PARD3: variants seen among roughly 807,000 people sequenced by gnomAD.
The protein encoded by PARD3 is partitioning defective 3 homolog.
A neutral mutation model predicts 155.4 loss-of-function variants in PARD3; 75 were observed. The observed-to-expected ratio is 0.48, with a 90% confidence interval of 0.40 to 0.58. PARD3 has a LOEUF of 0.58. Among genes scored for constraint, PARD3 ranks in the 20% least tolerant of loss-of-function variants. PARD3 has a pLI of 0.00. For missense variants in PARD3, 1,642 were observed against 1,721.7 expected (o/e 0.95, Z 0.82); for synonymous variants, 576 against 610.5 (o/e 0.94, Z 0.83).
intron 2 of PARD3, among the ~76,000 whole-genome samples, chr10:34,633,391 C>T (rs2092349153): frequency 6.6e-6 from 1 of 151,834 alleles, no homozygotes; most frequent in Non-Finnish European, 1.5e-5. Flanking sequence ...TTCCTCTTTG[C>T]TTCTGTGAGT....
chr10:34,652,629 T>C (rs1007291378), intron 2 of PARD3, among the ~76,000 whole-genome samples: 11 of 152,166 alleles, frequency 7.2e-5, no homozygotes, highest in African/African-American at 2.7e-4. Context: ...CTTACTGAAA[T>C]GCACGCTGTT....
At chr10:34,497,355 ATTAT>A (rs1243500404) in intron 3 of PARD3, among the ~76,000 whole-genome samples, 3 of 152,220 alleles carry the variant, frequency 2.0e-5, no homozygotes, top group East Asian at 1.9e-4. Context: ...TAATCTAGAG[ATTAT>A]TTAAAGTGTA....
At chr10:34,238,739 G>A (rs943825401) in intron 22 of PARD3, among the ~76,000 whole-genome samples, 3 of 152,130 alleles carry the variant, frequency 2.0e-5, no homozygotes, top group Admixed American at 6.5e-5. Context: ...GAAGGAATAC[G>A]TCTCTCTTCT....
intron 15 of PARD3, chr10:34,346,062 G>T: frequency 1.0e-6 from 1 of 987,162 alleles, no homozygotes; most frequent in Non-Finnish European, 1.2e-6. Flanking sequence ...GTCACCCCCA[G>T]CCCAAAGTGG....
chr10:34,693,867 A>G (rs1040464338), intron 2 of PARD3, among the ~76,000 whole-genome samples: 12 of 152,192 alleles, frequency 7.9e-5, no homozygotes, highest in African/African-American at 2.7e-4. Context: ...TGGCATAGCT[A>G]TGGTTCATGG....
At position 34,307,081 on chromosome 10, in the gene PARD3, G is replaced by A. The variant is rs562721751; in HGVS notation, c.3065+10026C>T. Among the ~76,000 whole-genome samples the A allele has an allele frequency of 2.4e-3, 358 of 152,018 alleles. 1 individual carries two copies. The highest frequency in any genetic ancestry group is 8.4e-3 in the African/African-American group (348 of 41,494). On this transcript the variant is annotated intron_variant, in intron 20 of 24. Coordinates refer to ENST00000374788, the MANE Select transcript of PARD3 (RefSeq NM_001184785.2). ...TTTTTTTTGTATCTTTAGTAGAGAC[G>A]GGGTTTCACCATGTTAGCCAGGATG... is the stretch of plus-strand genomic sequence containing the variant.
At chr10:34,712,491 A>G (rs2094461953) in intron 1 of PARD3, among the ~76,000 whole-genome samples, 2 of 152,312 alleles carry the variant, frequency 1.3e-5, no homozygotes, top group Admixed American at 6.5e-5. Context: ...TGCAAGATCA[A>G]TGTTTTCAAC....
chr10:34,585,548 T>C (rs80214765), intron 2 of PARD3, among the ~76,000 whole-genome samples: 1 of 54,596 alleles, frequency 1.8e-5, no homozygotes, highest in Non-Finnish European at 3.9e-5. Context: ...TTTTTCTTTC[T>C]TTTTTTTTTT....
At chr10:34,206,014 C>T (rs1261757873) in intron 22 of PARD3, among the ~76,000 whole-genome samples, 1 of 152,148 alleles carries the variant, frequency 6.6e-6, no homozygotes, top group East Asian at 1.9e-4. Context: ...ACTACTAGAT[C>T]GAGGTCTTGT....
intron 1 of PARD3, among the ~76,000 whole-genome samples, chr10:34,804,003 G>C (rs1481575078): frequency 6.7e-6 from 1 of 150,350 alleles, no homozygotes; most frequent in African/African-American, 2.4e-5. Flanking sequence ...CAATCCAAAT[G>C]ATGCACTTAG....
intron 22 of PARD3, among the ~76,000 whole-genome samples, chr10:34,184,999 T>C (rs1008862278): frequency 1.8e-4 from 27 of 152,192 alleles, no homozygotes; most frequent in African/African-American, 5.5e-4. Context: ...TTATTGCTAC[T>C]TCCTGCCCTT....
At position 34,447,783 on chromosome 10, in the gene PARD3, C is replaced by T. The variant is rs557079709; in HGVS notation, c.714+2534G>A. Among the ~76,000 whole-genome samples, 227 of 131,874 alleles carry T rather than the reference C, an allele frequency of 1.7e-3. 3 individuals carry two copies. The highest frequency in any genetic ancestry group is 2.6e-3 in the Non-Finnish European group (168 of 65,792). 86.5% of individuals were successfully genotyped at this position (131,874 alleles called of 152,430 possible). The stretch of plus-strand genomic sequence containing the variant: ...TCGCACCACTGCACTCCAGCTTGAG[C>T]GACACAGCAAGACTCTGTCTCAAAA... On this transcript the variant is annotated intron_variant, in intron 5 of 24. Transcript: ENST00000374788.
At chr10:34,160,880 A>G (rs1192001850) in intron 22 of PARD3, among the ~76,000 whole-genome samples, 1 of 152,118 alleles carries the variant, frequency 6.6e-6, no homozygotes, top group African/African-American at 2.4e-5. Context: ...GGTCTGAGGG[A>G]GCATGCAGAG....
intron 22 of PARD3, among the ~76,000 whole-genome samples, chr10:34,261,843 A>AAC (rs147251426): frequency 1.4e-5 from 2 of 147,556 alleles, no homozygotes; most frequent in African/African-American, 5.2e-5. Context: ...CAAACAAACA[A>AAC]ACACACACAC....
intron 22 of PARD3, among the ~76,000 whole-genome samples, chr10:34,257,655 C>G (rs1368627182): frequency 5.3e-5 from 8 of 152,200 alleles, no homozygotes. Context: ...AAGTCTAAAA[C>G]AGCTTTCATT....
chr10:34,750,072 A>ACACACAC (rs1835804693), intron 1 of PARD3, among the ~76,000 whole-genome samples: 3 of 138,882 alleles, frequency 2.2e-5, no homozygotes, highest in African/African-American at 8.3e-5. Flanking sequence ...CACACACACA[A>ACACACAC]AACCCGCAGT....
At chr10:34,280,090 C>T in intron 21 of PARD3, among the ~76,000 whole-genome samples, 1 of 152,014 alleles carries the variant, frequency 6.6e-6, no homozygotes, top group East Asian at 1.9e-4. Flanking sequence ...GAATGAATAA[C>T]ATGAGGAGAA....
chr10:34,624,164 G>T (rs10082362), intron 2 of PARD3, among the ~76,000 whole-genome samples: 4,333 of 152,142 alleles, frequency 0.028, 207 homozygotes, highest in African/African-American at 0.098. Context: ...GAAGAACTGC[G>T]TTTCATGACT....
intron 22 of PARD3, among the ~76,000 whole-genome samples, chr10:34,202,946 A>G (rs570664925): frequency 4.6e-5 from 7 of 152,306 alleles, no homozygotes; most frequent in African/African-American, 1.7e-4. Flanking sequence ...AGAAGCAGCC[A>G]CAATGTCTGG....
Sources: gnomAD v4.1 joint callset for allele counts (sites outside exome capture counted in the v4.1 genomes callset) on GRCh38, gnomAD v4.1.1 for gene constraint, MANE v1.5 for transcripts, NCBI Gene and HGNC (gene_info 2026-07-23, HGNC 2026-07-21) for gene names.